The following ADGRV1 variants were observed in gnomAD, a reference collection of about 807,000 sequenced individuals.
ADGRV1 encodes G-protein coupled receptor 98.
ADGRV1 carries 359 observed loss-of-function variants against 596.2 expected under a neutral mutation model. That is an observed-to-expected ratio of 0.60 (90% CI 0.55 to 0.66). The LOEUF is 0.66. Ranked by LOEUF, ADGRV1 falls within the 30% of genes least tolerant of loss-of-function variation. The pLI is 0.00. For synonymous variants in ADGRV1, 2,681 were observed against 2,679.2 expected (o/e 1.00, Z -0.02); for missense variants, 7,274 against 7,575.6 (o/e 0.96, Z 1.48).
chr5:90,956,104 T>C (rs1242923106), intron 83 of ADGRV1, among the ~76,000 whole-genome samples: 1 of 152,180 alleles, frequency 6.6e-6, no homozygotes, highest in African/African-American at 2.4e-5. Flanking sequence ...CTTATATGTA[T>C]GCTTATCTAA....
intron 52 of ADGRV1, among the ~76,000 whole-genome samples, chr5:90,747,995 T>A (rs1754815543): frequency 6.6e-6 from 1 of 152,306 alleles, no homozygotes; most frequent in South Asian, 2.1e-4. Context: ...GGAACAACTC[T>A]GACCATAGTA....
At chr5:90,844,659 C>G (rs1480709123) in intron 78 of ADGRV1, among the ~76,000 whole-genome samples, 1 of 152,178 alleles carries the variant, frequency 6.6e-6, no homozygotes, top group South Asian at 2.1e-4. Flanking sequence ...GTTATCAAAG[C>G]TTGGCAAAGC....
At chr5:90,664,272 A>G (rs1298950347) in intron 21 of ADGRV1, among the ~76,000 whole-genome samples, 1 of 139,710 alleles carries the variant, frequency 7.2e-6, no homozygotes, top group African/African-American at 2.7e-5. Flanking sequence ...ATTTGTTTGT[A>G]TCCTCTTTTA....
chr5:90,593,687 G>A (rs998560478), intron 1 of ADGRV1, among the ~76,000 whole-genome samples: 1 of 151,864 alleles, frequency 6.6e-6, no homozygotes, highest in African/African-American at 2.4e-5. Context: ...CCCACCAAAA[G>A]AACTTACTCA....
intron 67 of ADGRV1, 138 bp from the exon 68 acceptor site, chr5:90,787,933 A>C (rs1430746786): frequency 8.6e-6 from 5 of 583,006 alleles, no homozygotes; most frequent in Non-Finnish European, 1.4e-5. Flanking sequence ...AGTTTATGAA[A>C]CAGGAATTTG....
intron 5 of ADGRV1, 82 bp downstream of exon 5, chr5:90,622,783 C>A: frequency 1.7e-6 from 1 of 596,156 alleles, no homozygotes; most frequent in Non-Finnish European, 2.6e-6. Flanking sequence ...CTCTGTTGCC[C>A]AAGCTGGAGT....
chr5:90,615,062 A>T, intron 2 of ADGRV1, 43 bp downstream of exon 2: 1 of 1,250,388 alleles, frequency 8.0e-7, no homozygotes, highest in Non-Finnish European at 1.1e-6. Context: ...AATAGATATG[A>T]CGTTTCTTAG....
At chr5:91,128,472 C>T (rs571847358) in intron 87 of ADGRV1, among the ~76,000 whole-genome samples, 1 of 152,240 alleles carries the variant, frequency 6.6e-6, no homozygotes, top group African/African-American at 2.4e-5. Flanking sequence ...CGTTTAACCT[C>T]TGTGTTCCAA....
chr5:91,008,153 C>T (rs141440413), intron 85 of ADGRV1, among the ~76,000 whole-genome samples: 410 of 152,134 alleles, frequency 2.7e-3, no homozygotes, highest in African/African-American at 9.5e-3. Flanking sequence ...TTTATAAAGG[C>T]GATGTCTCAT....
intron 85 of ADGRV1, among the ~76,000 whole-genome samples, chr5:91,056,306 G>T (rs556502651): frequency 6.6e-6 from 1 of 152,226 alleles, no homozygotes; most frequent in Admixed American, 6.5e-5. Context: ...GATCAGACCA[G>T]CAGCAAACCA....
In ADGRV1 at chr5:90,647,648, G is replaced by A. The variant is rs1767982965; in HGVS notation, c.3173G>A (p.Gly1058Glu). 2 of 1,613,980 alleles carry A rather than the reference G, an allele frequency of 1.2e-6. No individual in the cohort carries two copies. The highest frequency in any genetic ancestry group is 2.2e-5 in the East Asian group (1 of 44,872). The part of the protein sequence containing the change: ...RERDFIPVEK[G>E]ETLIFEVGSR... ...AGAGATTTCATTCCTGTTGAAAAAG[G>A]AGAAACGCTCATTTTTGAGGTTGGA... The change falls in exon 17 of 90, where the codon GGA becomes GAA. Residue 1058 changes from glycine (G) to glutamate (E), a missense_variant. This residue lies in a region of ADGRV1 where 1,715 missense variants were observed against 1,708.8 expected (regional missense o/e 1.00). Transcript: ENST00000405460.
intron 85 of ADGRV1, among the ~76,000 whole-genome samples, chr5:91,011,760 A>G (rs1222455274): frequency 9.2e-5 from 14 of 151,862 alleles, no homozygotes; most frequent in Middle Eastern, 3.4e-3. Context: ...CAGGGGGGAA[A>G]AAAAAAAGCA....
At chr5:90,991,653 T>G (rs537861412) in intron 85 of ADGRV1, among the ~76,000 whole-genome samples, 10 of 152,320 alleles carry the variant, frequency 6.6e-5, no homozygotes, top group Admixed American at 4.6e-4. Flanking sequence ...AAATCTTTAT[T>G]ATAACCTACT....
At chr5:90,587,353 A>G (rs1758888771) in intron 1 of ADGRV1, among the ~76,000 whole-genome samples, 2 of 152,118 alleles carry the variant, frequency 1.3e-5, no homozygotes, top group Non-Finnish European at 2.9e-5. Context: ...GGTTAGAGGC[A>G]AAAGTCTGGG....
chr5:91,116,374 T>A (rs575813156), intron 87 of ADGRV1, among the ~76,000 whole-genome samples: 3 of 152,340 alleles, frequency 2.0e-5, no homozygotes, highest in Admixed American at 2.0e-4. Context: ...ATAGCACTAC[T>A]TACTTTACAA....
chr5:90,851,879 G>C (rs1766566908), intron 79 of ADGRV1, among the ~76,000 whole-genome samples: 1 of 152,180 alleles, frequency 6.6e-6, no homozygotes, highest in Non-Finnish European at 1.5e-5. Flanking sequence ...TCCCTGACTG[G>C]ACTGAGTCTC....
chr5:90,807,829 C>A, intron 73 of ADGRV1, 92 bp downstream of exon 73: 2 of 1,128,900 alleles, frequency 1.8e-6, no homozygotes, highest in South Asian at 2.2e-5. Context: ...GGGTTATTCT[C>A]CTTGAAGCAA....
At position 90,601,094 on chromosome 5, in the gene ADGRV1, C is replaced by T. The variant is rs141069097; in HGVS notation, c.23-13741C>T. On this transcript the variant is annotated intron_variant, in intron 1 of 89. Coordinates refer to ENST00000405460, the MANE Select transcript of ADGRV1 (RefSeq NM_032119.4). ...TCTACTAAAAAATACAATAATTAGC[C>T]GGGCGTGGTGGTGCATGCCTGTAAT... Among the ~76,000 whole-genome samples the T allele has an allele frequency of 1.2e-3, 184 of 152,092 alleles. 2 individuals carry two copies. The East Asian group carries it at 0.022, about 19-fold the overall frequency.
At chr5:90,672,166 T>C (rs551905320) in intron 21 of ADGRV1, among the ~76,000 whole-genome samples, 3 of 152,264 alleles carry the variant, frequency 2.0e-5, no homozygotes, top group African/African-American at 4.8e-5. Context: ...CATTATAAAA[T>C]TGCAAGTTTG....
Sources: gnomAD v4.1 joint callset for allele counts (sites outside exome capture counted in the v4.1 genomes callset) on GRCh38, gnomAD v4.1.1 for gene constraint, gnomAD v4.1.1 regional missense constraint, MANE v1.5 for transcripts, NCBI Gene and HGNC (gene_info 2026-07-23, HGNC 2026-07-21) for gene names.